Variants in CHLSN observed in about 807,000 individuals in gnomAD.
CHLSN encodes the protein cholesin, also known as protein cholesin.
chr7:998,994 T>G, the CHLSN span, among the ~76,000 whole-genome samples: 1 of 152,196 alleles, frequency 6.6e-6, no homozygotes, highest in Non-Finnish European at 1.5e-5. Context: ...ATATGTACGG[T>G]TACATATGAA....
the CHLSN span, among the ~76,000 whole-genome samples, chr7:1,089,171 G>A: frequency 5.3e-5 from 8 of 152,164 alleles, no homozygotes; most frequent in South Asian, 8.3e-4. Flanking sequence ...GGCGAAATGC[G>A]GAGTCTTTCA....
chr7:1,123,412 G>C, the CHLSN span, among the ~76,000 whole-genome samples: 5 of 152,130 alleles, frequency 3.3e-5, no homozygotes, highest in African/African-American at 4.8e-5. The surrounding 1 kb of genome is among the most constrained non-coding windows in gnomAD (Gnocchi z 4.4). Context: ...TGGCCCACGG[G>C]GGGACACAGG....
the CHLSN span, chr7:1,026,815 G>C: frequency 6.6e-6 from 1 of 152,284 alleles, no homozygotes; most frequent in African/African-American, 2.4e-5. Context: ...AGGGAACAAA[G>C]CTACGTGGAT....
the CHLSN span, among the ~76,000 whole-genome samples, chr7:1,003,028 C>T: frequency 2.7e-4 from 4 of 14,676 alleles, no homozygotes; most frequent in African/African-American, 1.1e-3. Context: ...TGGAGTCCTG[C>T]GGGTGGGGAG....
At chr7:980,219 A>ACC in the CHLSN span, among the ~76,000 whole-genome samples, 1 of 145,876 alleles carries the variant, frequency 6.9e-6, no homozygotes, top group Admixed American at 6.8e-5. Context: ...CCACCTACCC[A>ACC]CCCACCTCAC....
chr7:1,022,861 C>T, the CHLSN span: 24 of 363,036 alleles, frequency 6.6e-5, no homozygotes, highest in Middle Eastern at 1.5e-3. Context: ...AGAAGACCCA[C>T]GCATACGAGT....
the CHLSN span, among the ~76,000 whole-genome samples, chr7:1,017,081 G>A: frequency 1.3e-5 from 2 of 152,170 alleles, no homozygotes; most frequent in Admixed American, 1.3e-4. Flanking sequence ...TGGGGTCTGC[G>A]GAGAGCCCGG....
the CHLSN span, among the ~76,000 whole-genome samples, chr7:1,002,745 G>A: frequency 1.8e-5 from 2 of 111,112 alleles, no homozygotes; most frequent in Non-Finnish European, 3.7e-5. Context: ...TCCTGTGGGT[G>A]GGGAGTCCTG....
At chr7:1,096,240 A>C in the CHLSN span, among the ~76,000 whole-genome samples, 1 of 152,184 alleles carries the variant, frequency 6.6e-6, no homozygotes, top group Non-Finnish European at 1.5e-5. The surrounding 1 kb of genome is among the most constrained non-coding windows in gnomAD (Gnocchi z 4.6). Flanking sequence ...GACAGAGCTG[A>C]CACGCCGCCA....
chr7:987,224 G>C, the CHLSN span: 6 of 1,538,208 alleles, frequency 3.9e-6, no homozygotes, highest in South Asian at 4.8e-5. Context: ...ACTTCTGATG[G>C]GCCGGCACCC....
the CHLSN span, among the ~76,000 whole-genome samples, chr7:1,001,688 G>T: frequency 8.9e-6 from 1 of 112,642 alleles, no homozygotes; most frequent in Non-Finnish European, 1.8e-5. Flanking sequence ...CCTGCGGGTG[G>T]GGAGTCCTGC....
At chr7:1,046,259 GC>G in the CHLSN span, among the ~76,000 whole-genome samples, 1 of 152,188 alleles carries the variant, frequency 6.6e-6, no homozygotes, top group African/African-American at 2.4e-5. Flanking sequence ...AAAAATAACT[GC>G]CGCCTGGCCT....
At chr7:986,943 T>C in the CHLSN span, 3 of 1,321,914 alleles carry the variant, frequency 2.3e-6, no homozygotes, top group Non-Finnish European at 3.0e-6. Context: ...TCAGTCTCCT[T>C]GTCTGTGAAA....
the CHLSN span, among the ~76,000 whole-genome samples, chr7:1,095,628 C>G: frequency 6.6e-6 from 1 of 152,238 alleles, no homozygotes. Context: ...GGGAGACCCA[C>G]ACGGAACGTG....
At chr7:1,073,474 C>CCTGCTGCT in the CHLSN span, among the ~76,000 whole-genome samples, 1 of 152,170 alleles carries the variant, frequency 6.6e-6, no homozygotes, top group Non-Finnish European at 1.5e-5. Context: ...ACAGCATCGA[C>CCTGCTGCT]CTGCTGCTCC....
the CHLSN span, among the ~76,000 whole-genome samples, chr7:1,110,440 C>T: frequency 6.6e-6 from 1 of 152,246 alleles, no homozygotes; most frequent in African/African-American, 2.4e-5. Context: ...GTCTCCAAAT[C>T]TAACGGAGGC....
chr7:1,009,662 G>A, the CHLSN span, among the ~76,000 whole-genome samples: 18 of 152,186 alleles, frequency 1.2e-4, no homozygotes, highest in African/African-American at 4.1e-4. Flanking sequence ...TTCTTCCTGT[G>A]GTGACGTACA....
At chr7:1,137,998 A>ACGCACCGGC in the CHLSN span, 13 of 146,994 alleles carry the variant, frequency 8.8e-5, no homozygotes, top group East Asian at 7.9e-4. Flanking sequence ...CCGCGCCGGG[A>ACGCACCGGC]CGCACCGGCC....
At chr7:1,118,100 C>T in the CHLSN span, among the ~76,000 whole-genome samples, 1 of 152,332 alleles carries the variant, frequency 6.6e-6, no homozygotes, top group East Asian at 1.9e-4. Flanking sequence ...AAGAAAACCA[C>T]AGCACAACGC....
Sources: gnomAD v4.1 joint callset for allele counts (sites outside exome capture counted in the v4.1 genomes callset) on GRCh38, gnomAD v4.1.1 for gene constraint, Gnocchi (gnomAD v3.1) non-coding constraint, MANE v1.5 for transcripts, NCBI Gene and HGNC (gene_info 2026-07-23, HGNC 2026-07-21) for gene names.